ZNF346: variants seen among roughly 807,000 people sequenced by gnomAD.
The protein encoded by ZNF346 is zinc finger protein 346.
ZNF346 carries 23 observed loss-of-function variants against 33.7 expected under a neutral mutation model. The ratio of observed to expected loss-of-function variants is 0.68; its 90% CI spans 0.49 to 0.97. The LOEUF (loss-of-function observed/expected upper bound fraction) is 0.97. Ranked by LOEUF, ZNF346 falls within the 50% of genes least tolerant of loss-of-function variation. The pLI is 0.00. For synonymous variants in ZNF346, 134 were observed against 142.4 expected (o/e 0.94, Z 0.42); for missense variants, 340 against 371.1 (o/e 0.92, Z 0.69).
rs1024049057 is a variant in ZNF346 at position 177,067,148 on chromosome 5, G to T, written c.*2549G>T. 6.6e-6 allele frequency among the ~76,000 whole-genome samples: 1 copy of T among 152,136 alleles called. No individual in the cohort carries two copies. The highest frequency in any genetic ancestry group is 2.4e-5 in the African/African-American group (1 of 41,422). ...AGTCCTGGCTACCTGGAAGGGTGAG[G>T]CAGGAGGATCGCTTTAACCATGAGT... On this transcript the variant is annotated 3_prime_UTR_variant, in exon 7 of 7. Transcript: ENST00000358149.
chr5:177,059,574 C>T (rs1212701216), intron 5 of ZNF346, among the ~76,000 whole-genome samples: 1 of 150,706 alleles, frequency 6.6e-6, no homozygotes, highest in Non-Finnish European at 1.5e-5. Context: ...CCTTCTTGCC[C>T]CCAGAGCATT....
At chr5:177,027,052 A>T (rs898039928) in intron 1 of ZNF346, among the ~76,000 whole-genome samples, 1 of 151,992 alleles carries the variant, frequency 6.6e-6, no homozygotes, top group Non-Finnish European at 1.5e-5. Context: ...CTTTAGATAA[A>T]AGTTATCTTC....
chr5:177,030,678 C>A (rs1777550594), intron 1 of ZNF346, among the ~76,000 whole-genome samples: 2 of 151,934 alleles, frequency 1.3e-5, no homozygotes, highest in Non-Finnish European at 2.9e-5. Context: ...TTAAAATGTA[C>A]AATTCTGTGG....
At chr5:177,051,122 G>A (rs1396681150) in intron 5 of ZNF346, among the ~76,000 whole-genome samples, 186 bp downstream of exon 5, 3 of 151,240 alleles carry the variant, frequency 2.0e-5, no homozygotes, top group African/African-American at 7.3e-5. Context: ...GCTGAAGAGT[G>A]AATGCCATTC....
intron 8 of ZNF346, among the ~76,000 whole-genome samples, chr5:177,075,843 C>T (rs529125340): frequency 4.6e-5 from 7 of 152,330 alleles, no homozygotes; most frequent in South Asian, 2.1e-4. Context: ...CCCGCCACCA[C>T]GCCCAGCTAA....
intron 1 of ZNF346, 157 bp downstream of exon 1, chr5:177,023,070 C>G (rs1295531722): frequency 1.0e-5 from 15 of 1,440,400 alleles, no homozygotes; most frequent in Non-Finnish European, 1.3e-5. Flanking sequence ...GCGGGCACCC[C>G]AAGAATCGGG....
chr5:177,049,824 A>G (rs1234906898), intron 4 of ZNF346, among the ~76,000 whole-genome samples: 1 of 152,102 alleles, frequency 6.6e-6, no homozygotes, highest in Non-Finnish European at 1.5e-5. Flanking sequence ...AAATATATGT[A>G]GAAAACACAT....
intron 1 of ZNF346, among the ~76,000 whole-genome samples, chr5:177,030,694 A>G (rs1777552997): frequency 6.6e-6 from 1 of 152,000 alleles, no homozygotes; most frequent in Admixed American, 6.5e-5. Context: ...TGTGGTTTTT[A>G]GTATATTCAC....
chr5:177,050,135 A>G (rs1045861920), intron 4 of ZNF346, among the ~76,000 whole-genome samples: 1 of 152,130 alleles, frequency 6.6e-6, no homozygotes, highest in African/African-American at 2.4e-5. Flanking sequence ...CGCATAACTA[A>G]ATGTTAATGG....
chr5:177,060,067 T>A (rs1312625225), intron 5 of ZNF346, among the ~76,000 whole-genome samples: 1 of 152,002 alleles, frequency 6.6e-6, no homozygotes, highest in Non-Finnish European at 1.5e-5. Context: ...GCTTTGTGGG[T>A]CATGTTAGGG....
At chr5:177,024,044 G>GGTGTGT (rs1216789640) in intron 1 of ZNF346, among the ~76,000 whole-genome samples, 7 of 147,194 alleles carry the variant, frequency 4.8e-5, no homozygotes, top group Non-Finnish European at 3.0e-5. Flanking sequence ...CCCCAGAAAT[G>GGTGTGT]GTGTGTGTGT....
intron 4 of ZNF346, among the ~76,000 whole-genome samples, chr5:177,047,028 ATT>A (rs60987194): frequency 4.7e-4 from 63 of 133,996 alleles, no homozygotes; most frequent in African/African-American, 1.3e-3. Context: ...TTTTTTATTT[ATT>A]TTTATTTATT....
chr5:177,047,712 C>T (rs11950129), intron 4 of ZNF346, among the ~76,000 whole-genome samples: 1 of 152,046 alleles, frequency 6.6e-6, no homozygotes, highest in Non-Finnish European at 1.5e-5. Context: ...CAACATATTG[C>T]TCAGGCTGGT....
downstream of ZNF346, among the ~76,000 whole-genome samples, chr5:177,072,033 C>CT (rs1180774131): frequency 3.9e-5 from 6 of 152,174 alleles, 1 homozygote; most frequent in South Asian, 4.1e-4. Flanking sequence ...GAGTCAGCTT[C>CT]TTTTTTCTAG....
chr5:177,075,798 T>C (rs930841198), intron 8 of ZNF346, among the ~76,000 whole-genome samples: 14 of 152,182 alleles, frequency 9.2e-5, no homozygotes, highest in Non-Finnish European at 1.9e-4. Context: ...ACGATTCTCC[T>C]GTCTCAGCCT....
Position 177,077,514 on chromosome 5 carries a change from C to A in ZNF346, c.*3-1868C>A, listed in dbSNP as rs1296356993. Among the ~76,000 whole-genome samples, 2 of 152,204 alleles carry A rather than the reference C, an allele frequency of 1.3e-5. No individual in the cohort carries two copies. The highest frequency in any genetic ancestry group is 4.1e-4 in the South Asian group (2 of 4,828). On this transcript the variant is annotated intron_variant, in intron 8 of 8. Coordinates refer to the ZNF346 transcript ENST00000503039. The surrounding 1 kb of genome is among the most constrained non-coding windows in gnomAD (Gnocchi z 5.0). ...TCTTTCACAGAGAAGCTCTCCCAAGCAACTCTAGGCATCCCTATTCACAGC... is the reference window on the plus strand; with the variant it reads ...TCTTTCACAGAGAAGCTCTCCCAAGAAACTCTAGGCATCCCTATTCACAGC...
chr5:177,056,063 C>G (rs1781631605), intron 5 of ZNF346, among the ~76,000 whole-genome samples: 1 of 137,414 alleles, frequency 7.3e-6, no homozygotes, highest in Non-Finnish European at 1.6e-5. Flanking sequence ...GCAAAAAAGC[C>G]AGACTCCGTC....
chr5:177,049,633 T>G (rs1780588206), intron 4 of ZNF346, among the ~76,000 whole-genome samples: 1 of 152,210 alleles, frequency 6.6e-6, no homozygotes, highest in African/African-American at 2.4e-5. Context: ...TCAGGTCTTC[T>G]TGCCACACTG....
intron 5 of ZNF346, among the ~76,000 whole-genome samples, chr5:177,051,236 G>A (rs576773641): frequency 5.6e-5 from 8 of 143,510 alleles, no homozygotes; most frequent in African/African-American, 2.1e-4. Flanking sequence ...GTGCAGTGGC[G>A]CGATCTCGGC....
Sources: allele counts gnomAD v4.1 joint callset (sites outside exome capture counted in the v4.1 genomes callset), GRCh38; gene constraint gnomAD v4.1.1; non-coding constraint Gnocchi (gnomAD v3.1); transcripts MANE v1.5; gene names NCBI Gene and HGNC (gene_info 2026-07-23, HGNC 2026-07-21).